ZSCAN31: variants seen among roughly 807,000 people sequenced by gnomAD.
The protein encoded by ZSCAN31 is zinc finger and SCAN domain containing 31.
ZSCAN31 carries 14 observed loss-of-function variants against 22.5 expected under a neutral mutation model. The ratio of observed to expected loss-of-function variants is 0.62; its 90% CI spans 0.41 to 0.97. The LOEUF is 0.97. Among genes scored for constraint, ZSCAN31 ranks in the 50% least tolerant of loss-of-function variants. The pLI is 0.00. For missense variants in ZSCAN31, 424 were observed against 483.4 expected (o/e 0.88, Z 1.15); for synonymous variants, 168 against 169.8 (o/e 0.99, Z 0.08).
At chr6:28,345,144 CAAAA>C (rs60598517) in intron 2 of ZSCAN31, among the ~76,000 whole-genome samples, 5 of 93,630 alleles carry the variant, frequency 5.3e-5, no homozygotes, top group Non-Finnish European at 6.7e-5. Flanking sequence ...AACTGTGTCT[CAAAA>C]AAAAAAAAAA....
Position 28,343,810 on chromosome 6 carries a change from G to A in ZSCAN31, c.-370-2018C>T, listed in dbSNP as rs560120189. Among the ~76,000 whole-genome samples, 271 of 152,228 alleles carry A rather than the reference G, an allele frequency of 1.8e-3. 1 individual carries two copies. Among genetic ancestry groups the A allele is most frequent in the South Asian group, 0.018 (85 of 4,830 alleles). On this transcript the variant is annotated intron_variant, in intron 2 of 7. Coordinates refer to the ZSCAN31 transcript ENST00000396838. ...CCCAAAGTGTTGGGATTACAGGTGT[G>A]AGCCACTGTGCCTGGCCTATATGCA...
At chr6:28,338,375 C>G (rs1036829461), upstream of ZSCAN31, among the ~76,000 whole-genome samples, 4 of 152,056 alleles carry the variant, frequency 2.6e-5, no homozygotes, top group African/African-American at 9.7e-5. Flanking sequence ...AGAGTGAGAT[C>G]CCATCTCGAA....
upstream of ZSCAN31, among the ~76,000 whole-genome samples, chr6:28,338,095 T>C (rs1764273190): frequency 6.7e-6 from 1 of 149,116 alleles, no homozygotes; most frequent in Admixed American, 6.7e-5. Context: ...AAAACAAAAA[T>C]GGAGATTTAG....
In ZSCAN31 at chr6:28,349,200, AG is replaced by A. The variant is rs1374323044; in HGVS notation, c.-371+4661del. 1.1e-4 allele frequency among the ~76,000 whole-genome samples: 15 copies of A among 139,938 alleles called. 1 individual carries two copies. The highest frequency in any genetic ancestry group is 8.7e-4 in the East Asian group (4 of 4,624). The allele number at this position is 139,938 out of a possible 152,430, so 91.8% of individuals were successfully genotyped here. A position where few individuals can be genotyped will look rare whatever the true frequency, so the allele number is the denominator to read the frequency against. ...GTGTATATATATGTCTCATATATAT[AG>A]GTGTATATATATGTCTCATATATAT... On this transcript the variant is annotated intron_variant, in intron 2 of 7. Coordinates refer to the ZSCAN31 transcript ENST00000396838. The surrounding 1 kb of genome is among the most constrained non-coding windows in gnomAD (Gnocchi z 4.1).
chr6:28,325,737 TCTTAG>T lies in ZSCAN31; in HGVS notation c.*424_*428del, dbSNP rs1763214701. ...AGATGCACCTCTGAATATCCTTTGA[TCTTAG>T]CAAATCTTTTTTTTAAAAGTATACA... is the stretch of plus-strand genomic sequence containing the variant. On this transcript the variant is annotated 3_prime_UTR_variant, in exon 4 of 4. Transcript: ENST00000344279. 1.3e-5 allele frequency: 2 copies of T among 154,764 alleles called. No homozygotes were observed. The highest frequency in any genetic ancestry group is 4.8e-5 in the African/African-American group (2 of 41,470). The allele number at this position is 154,764 out of a possible 1,614,324, so 9.6% of individuals were successfully genotyped here.
At chr6:28,334,777 T>A (rs1047577629) in intron 1 of ZSCAN31, among the ~76,000 whole-genome samples, 1 of 152,144 alleles carries the variant, frequency 6.6e-6, no homozygotes, top group Admixed American at 6.5e-5. Context: ...ATAAAAGACA[T>A]CTGTGGGACA....
Position 28,347,874 on chromosome 6 carries a change from GAC to G in ZSCAN31, c.-371+5986_-371+5987del, listed in dbSNP as rs1376142309. 2.0e-5 allele frequency among the ~76,000 whole-genome samples: 3 copies of G among 152,174 alleles called. No individual in the cohort carries two copies. The highest frequency in any genetic ancestry group is 2.0e-4 in the Admixed American group (3 of 15,284). On this transcript the variant is annotated intron_variant, in intron 2 of 7. Coordinates refer to the ZSCAN31 transcript ENST00000396838. This position sits in a 1 kb window ranked among gnomAD's most constrained non-coding sequence, Gnocchi z 5.2. ...ATTTATAGTCCCAGCAACTGTGTAT[GAC>G]AGTCTCAAAATTTTCACATTCTTAT... is the stretch of plus-strand genomic sequence containing the variant.
rs1045696693 is a variant in ZSCAN31 at position 28,349,381 on chromosome 6, A to C, written c.-371+4481T>G. 1.3e-5 allele frequency among the ~76,000 whole-genome samples: 2 copies of C among 152,084 alleles called. No individual in the cohort carries two copies. Among genetic ancestry groups the C allele is most frequent in the African/African-American group, 4.8e-5 (2 of 41,402 alleles). On this transcript the variant is annotated intron_variant, in intron 2 of 7. Coordinates refer to the ZSCAN31 transcript ENST00000396838. This position sits in a 1 kb window ranked among gnomAD's most constrained non-coding sequence, Gnocchi z 4.1. ...AATTCTATTTTTATAATTTTGATGGAGAATGTGATTGTGAACATGAATTTT... is the reference window on the plus strand; with the variant it reads ...AATTCTATTTTTATAATTTTGATGGCGAATGTGATTGTGAACATGAATTTT...
At chr6:28,344,007 C>G (rs1764536803) in intron 2 of ZSCAN31, among the ~76,000 whole-genome samples, 3 of 152,186 alleles carry the variant, frequency 2.0e-5, no homozygotes, top group Middle Eastern at 3.4e-3. Flanking sequence ...CTCTCCTGCC[C>G]CTTATCATAT....
At chr6:28,335,323 T>C (rs1764059789) in intron 1 of ZSCAN31, 1 of 152,240 alleles carries the variant, frequency 6.6e-6, no homozygotes. Context: ...TAGAAAAACC[T>C]CGGGCCCATT....
rs1763879477 is a variant in ZSCAN31 at position 28,333,026 on chromosome 6, A to G, written c.-96+3056T>C. ...ATCTCAGTGGACCAGAAACACAAACACAGAGTAGTTAGTGGAGTTGATGAC... is the reference window on the plus strand; with the variant it reads ...ATCTCAGTGGACCAGAAACACAAACGCAGAGTAGTTAGTGGAGTTGATGAC... On this transcript the variant is annotated intron_variant, in intron 1 of 3. Coordinates refer to ENST00000344279, the MANE Select transcript of ZSCAN31 (RefSeq NM_030899.5). This position sits in a 1 kb window ranked among gnomAD's most constrained non-coding sequence, Gnocchi z 4.1. Among the ~76,000 whole-genome samples the G allele has an allele frequency of 6.6e-6, 1 of 152,250 alleles. No homozygotes were observed. The highest frequency in any genetic ancestry group is 1.5e-5 in the Non-Finnish European group (1 of 68,040).
chr6:28,352,666 A>G (rs1765117786), intron 2 of ZSCAN31, among the ~76,000 whole-genome samples: 1 of 152,234 alleles, frequency 6.6e-6, no homozygotes, highest in South Asian at 2.1e-4. Context: ...TCACCTGTAC[A>G]CTGGTATTTG....
In ZSCAN31 at chr6:28,333,415, G is replaced by A. The variant is rs924143457; in HGVS notation, c.-96+2667C>T. Among the ~76,000 whole-genome samples the A allele has an allele frequency of 6.6e-6, 1 of 152,152 alleles. No homozygotes were observed. The highest frequency in any genetic ancestry group is 2.4e-5 in the African/African-American group (1 of 41,430). On this transcript the variant is annotated intron_variant, in intron 1 of 3. Coordinates refer to ENST00000344279, the MANE Select transcript of ZSCAN31 (RefSeq NM_030899.5). The surrounding 1 kb of genome is among the most constrained non-coding windows in gnomAD (Gnocchi z 4.1). Reference sequence around the variant, plus strand: ...CGGGACCAGGCCCTGTTTTGCTGGAGCAAACATTTTAACGGGGAAGACAAA... The same window carrying A: ...CGGGACCAGGCCCTGTTTTGCTGGAACAAACATTTTAACGGGGAAGACAAA...
rs1257584694 is a variant in ZSCAN31 at position 28,347,742 on chromosome 6, G to A, written c.-370-5950C>T. ...GTTTATGTACAAGAGCTCCTACAGG[G>A]TAAGTACTTTGAAGCTGCTGGGCCA... On this transcript the variant is annotated intron_variant, in intron 2 of 7. Transcript: ENST00000396838. This position sits in a 1 kb window ranked among gnomAD's most constrained non-coding sequence, Gnocchi z 5.2. Among the ~76,000 whole-genome samples the A allele has an allele frequency of 1.4e-5, 2 of 147,808 alleles. No individual in the cohort carries two copies. Among genetic ancestry groups the A allele is most frequent in the African/African-American group, 5.2e-5 (2 of 38,676 alleles).
chr6:28,328,901 T>C (rs1199547051), intron 2 of ZSCAN31, among the ~76,000 whole-genome samples: 2 of 152,200 alleles, frequency 1.3e-5, no homozygotes, highest in Admixed American at 6.5e-5. Context: ...GTCCCTCCAT[T>C]TGGGGTCCCT....
intron 2 of ZSCAN31, 31 bp from the exon 3 acceptor site, chr6:28,327,564 A>C: frequency 6.2e-7 from 1 of 1,606,888 alleles, no homozygotes; most frequent in Non-Finnish European, 8.5e-7. Context: ...TTGGTTAAAG[A>C]GGGGGATTAT....
At chr6:28,355,493 TG>T (rs921618593), upstream of ZSCAN31, 1 of 152,230 alleles carries the variant, frequency 6.6e-6, no homozygotes, top group African/African-American at 2.4e-5. Context: ...TAAAGAGCTC[TG>T]TGTGATGCCA....
chr6:28,338,114 A>G (rs117048456), upstream of ZSCAN31, among the ~76,000 whole-genome samples: 220 of 152,202 alleles, frequency 1.4e-3, 3 homozygotes, highest in East Asian at 0.042. Context: ...AGAATGGAAA[A>G]TAGGCCAGGC....
intron 2 of ZSCAN31, among the ~76,000 whole-genome samples, chr6:28,328,299 C>T (rs186871998): frequency 2.8e-4 from 42 of 152,240 alleles, no homozygotes; most frequent in Middle Eastern, 6.8e-3. Flanking sequence ...TCCTAATAAG[C>T]CTGGGAGTGC....
Sources: allele counts gnomAD v4.1 joint callset (sites outside exome capture counted in the v4.1 genomes callset), GRCh38; gene constraint gnomAD v4.1.1; non-coding constraint Gnocchi (gnomAD v3.1); transcripts MANE v1.5; gene names NCBI Gene and HGNC (gene_info 2026-07-23, HGNC 2026-07-21).